The following MACF1 variants were observed in gnomAD, a reference collection of about 807,000 sequenced individuals.
The protein encoded by MACF1 is microtubule-actin cross-linking factor 1.
MACF1 carries 193 observed loss-of-function variants against 854.8 expected under a neutral mutation model. The observed-to-expected ratio is 0.23, with a 90% CI of 0.20 to 0.25. The LOEUF is 0.25. MACF1 is among the 10% of genes least tolerant of loss of function. The pLI is 1.00. For synonymous variants in MACF1, 3,185 were observed against 3,226.7 expected, an observed-to-expected ratio of 0.99 and a Z score of 0.44; for missense variants, 7,722 against 8,929.1, an observed-to-expected ratio of 0.86 and a Z score of 5.45.
At chr1:39,435,272 A>G (rs542581302) in intron 69 of MACF1, among the ~76,000 whole-genome samples, 1 of 152,318 alleles carries the variant, frequency 6.6e-6, no homozygotes, top group African/African-American at 2.4e-5. Flanking sequence ...TGTGGAGTAG[A>G]CTTGTATGAC....
chr1:39,422,235 G>T, intron 58 of MACF1, 139 bp from the exon 59 acceptor site: 2 of 606,384 alleles, frequency 3.3e-6, no homozygotes, highest in Non-Finnish European at 5.7e-6. Flanking sequence ...GATGCTTCAC[G>T]TGCAAATGCT....
intron 2 of MACF1, among the ~76,000 whole-genome samples, chr1:39,133,239 G>A (rs1643056607): frequency 6.6e-6 from 1 of 152,160 alleles, no homozygotes; most frequent in Admixed American, 6.5e-5. Context: ...GGTGGGAGCT[G>A]GTTGCTAACA....
chr1:39,424,629 C>T (rs995857498), intron 61 of MACF1, among the ~76,000 whole-genome samples: 4 of 152,180 alleles, frequency 2.6e-5, no homozygotes, highest in African/African-American at 7.2e-5. Context: ...CCTTTAGGAG[C>T]TAGTCTGTGG....
chr1:39,144,813 A>G (rs777368178), intron 2 of MACF1, among the ~76,000 whole-genome samples: 2 of 152,080 alleles, frequency 1.3e-5, no homozygotes, highest in Non-Finnish European at 2.9e-5. Flanking sequence ...ACAGATGACT[A>G]AGTTTTTTGG....
intron 1 of MACF1, among the ~76,000 whole-genome samples, chr1:39,217,122 T>C (rs1644586130): frequency 6.6e-6 from 1 of 152,174 alleles, no homozygotes; most frequent in Non-Finnish European, 1.5e-5. Flanking sequence ...TTATATACTT[T>C]TCACATTATA....
intron 89 of MACF1, chr1:39,457,006 C>T (rs1644453556): frequency 6.6e-6 from 1 of 152,202 alleles, no homozygotes; most frequent in African/African-American, 2.4e-5. Context: ...TAGCTGGTTC[C>T]TCTTCCCTGC....
intron 2 of MACF1, among the ~76,000 whole-genome samples, chr1:39,243,523 T>C (rs1292689988): frequency 6.6e-6 from 1 of 152,158 alleles, no homozygotes. Context: ...CACCTCAGAC[T>C]CCTGAGTAGC....
At chr1:39,186,001 C>T (rs1005688210) in intron 2 of MACF1, among the ~76,000 whole-genome samples, 1 of 152,064 alleles carries the variant, frequency 6.6e-6, no homozygotes, top group Non-Finnish European at 1.5e-5. Context: ...AGTCTGAGCC[C>T]AAGACTCGTA....
At chr1:39,292,735 A>G (rs1026853672) in intron 16 of MACF1, 31 bp from the exon 17 acceptor site, 6 of 1,469,088 alleles carry the variant, frequency 4.1e-6, no homozygotes, top group Middle Eastern at 3.5e-4. Context: ...TCTTTCTCTA[A>G]TGTATTTTTA....
At chr1:39,179,887 C>T (rs1015120991) in intron 2 of MACF1, among the ~76,000 whole-genome samples, 2 of 151,700 alleles carry the variant, frequency 1.3e-5, no homozygotes, top group African/African-American at 4.8e-5. Flanking sequence ...TGGTGGCACA[C>T]ACTTGTAATC....
intron 93 of MACF1, among the ~76,000 whole-genome samples, chr1:39,463,230 TAATCCC>T (rs1644590708): frequency 1.3e-5 from 2 of 152,182 alleles, no homozygotes; most frequent in Non-Finnish European, 2.9e-5. Flanking sequence ...CTCACGCCTG[TAATCCC>T]AGCACTTTGG....
Position 39,413,186 on chromosome 1 carries a change from C to G in MACF1, c.15817-9188C>G, listed in dbSNP as rs530448143. The stretch of plus-strand genomic sequence containing the variant: ...GAGGAGGATGGTACACCAGAAGGGC[C>G]TGTCACCCCAGCTACCACAGTGCAT... On this transcript the variant is annotated intron_variant, in intron 58 of 100. Transcript: ENST00000564288. 9 of 1,613,516 alleles carry G rather than the reference C, an allele frequency of 5.6e-6. No homozygotes were observed. The East Asian group carries it at 1.8e-4, about 32-fold the overall frequency.
chr1:39,456,813 G>A (rs909492276), intron 89 of MACF1: 1 of 152,328 alleles, frequency 6.6e-6, no homozygotes, highest in Admixed American at 6.5e-5. Context: ...CCTGTGGTCT[G>A]GCTGACACTG....
In MACF1 at chr1:39,340,537, G is replaced by T; in HGVS notation, c.10251G>T (p.Leu3417Phe). The T allele has an allele frequency of 1.2e-6, 2 of 1,613,970 alleles. No homozygotes were observed. Among genetic ancestry groups the T allele is most frequent in the Non-Finnish European group, 1.7e-6 (2 of 1,180,012 alleles). The change falls in exon 39 of 101, where the codon TTG becomes TTT. Residue 3417 changes from leucine to phenylalanine, a missense_variant. Leu to Phe is a conservative substitution (Grantham distance 22). Transcript: ENST00000564288. ...LERELKDLTTLVSQELECVNQ... is the reference protein window; with the variant it reads ...LERELKDLTTFVSQELECVNQ... ...GGGAGTTAAAGGATCTGACCACCTT[G>T]GTCAGTCAGGAGCTGGAGTGTGTGA...
chr1:39,306,733 G>A (rs1369525255), intron 23 of MACF1, among the ~76,000 whole-genome samples: 1 of 150,396 alleles, frequency 6.6e-6, no homozygotes, highest in Non-Finnish European at 1.5e-5. Flanking sequence ...GTACTCCCTG[G>A]TTTGGTGGAT....
At chr1:39,374,080 A>G (rs971526246) in intron 52 of MACF1, among the ~76,000 whole-genome samples, 8 of 151,612 alleles carry the variant, frequency 5.3e-5, no homozygotes, top group Non-Finnish European at 1.0e-4. Context: ...CATCTCTACT[A>G]AAAATACAAA....
At chr1:39,416,666 G>A (rs902267951) in intron 58 of MACF1, among the ~76,000 whole-genome samples, 8 of 152,178 alleles carry the variant, frequency 5.3e-5, no homozygotes, top group Non-Finnish European at 1.2e-4. Context: ...TGAGTAGATG[G>A]CTACATAATC....
chr1:39,355,793 C>T (rs1214312160), intron 44 of MACF1, among the ~76,000 whole-genome samples: 1 of 151,948 alleles, frequency 6.6e-6, no homozygotes, highest in Non-Finnish European at 1.5e-5. Context: ...CATGAGGCCT[C>T]ACTTTGCCAC....
intron 2 of MACF1, among the ~76,000 whole-genome samples, chr1:39,124,737 G>C (rs1472662): frequency 6.6e-6 from 1 of 152,044 alleles, no homozygotes. Context: ...AATGTGCCAG[G>C]CATAATTTTT....
Sources: gnomAD v4.1 joint callset for allele counts (sites outside exome capture counted in the v4.1 genomes callset) on GRCh38, gnomAD v4.1.1 for gene constraint, MANE v1.5 for transcripts, NCBI Gene and HGNC (gene_info 2026-07-23, HGNC 2026-07-21) for gene names.